Variants in LRPPRC observed in about 807,000 individuals in gnomAD.
LRPPRC encodes leucine-rich PPR motif-containing protein, mitochondrial.
LRPPRC carries 120 observed loss-of-function variants against 180.3 expected under a neutral mutation model. The observed-to-expected ratio is 0.67, with a 90% CI of 0.57 to 0.77. LRPPRC has a LOEUF of 0.77. Ranked by LOEUF, LRPPRC falls within the 30% of genes least tolerant of loss-of-function variation. The pLI, the probability that LRPPRC is intolerant of heterozygous loss-of-function variation, is 0.00. For synonymous variants in LRPPRC, 723 were observed against 600.0 expected, an observed-to-expected ratio of 1.21 and a Z score of -3.00; for missense variants, 2,012 against 1,657.2, an observed-to-expected ratio of 1.21 and a Z score of -3.72.
intron 30 of LRPPRC, among the ~76,000 whole-genome samples, chr2:43,910,986 C>T (rs1425043521): frequency 2.0e-5 from 3 of 151,876 alleles, no homozygotes; most frequent in Non-Finnish European, 2.9e-5. Flanking sequence ...TTTTCTGGCT[C>T]TCCTTCATTA....
At chr2:43,983,928 TA>T (rs1559059572) in intron 1 of LRPPRC, among the ~76,000 whole-genome samples, 1 of 152,122 alleles carries the variant, frequency 6.6e-6, no homozygotes, top group East Asian at 1.9e-4. Context: ...ACCATCTAGG[TA>T]TAAAATAATG....
chr2:43,976,513 T>C (rs1379621839), intron 5 of LRPPRC, among the ~76,000 whole-genome samples: 6 of 152,222 alleles, frequency 3.9e-5, no homozygotes, highest in South Asian at 2.1e-4. Flanking sequence ...TTTAAAAGCA[T>C]AGTTTCATAA....
At chr2:43,941,509 G>T (rs1305143357) in intron 23 of LRPPRC, among the ~76,000 whole-genome samples, 1 of 152,162 alleles carries the variant, frequency 6.6e-6, no homozygotes, top group Non-Finnish European at 1.5e-5. Context: ...TATTACTGAA[G>T]ATTATACACA....
intron 23 of LRPPRC, among the ~76,000 whole-genome samples, chr2:43,939,496 G>A (rs1348116418): frequency 1.3e-5 from 2 of 151,708 alleles, no homozygotes; most frequent in Non-Finnish European, 2.9e-5. Context: ...GTTTAAAAAA[G>A]AAAAAACAAA....
intron 25 of LRPPRC, among the ~76,000 whole-genome samples, chr2:43,928,153 GCTA>G (rs1261970351): frequency 6.6e-6 from 1 of 152,174 alleles, no homozygotes; most frequent in African/African-American, 2.4e-5. Context: ...TTCCACCTGA[GCTA>G]CTGTGCTTCA....
intron 23 of LRPPRC, among the ~76,000 whole-genome samples, chr2:43,939,313 C>T (rs183767678): frequency 6.6e-6 from 1 of 151,380 alleles, no homozygotes; most frequent in African/African-American, 2.4e-5. Context: ...ATAAAAACAA[C>T]AACAACAACA....
rs1413106606 is a variant in LRPPRC, at chr2:43,974,017, C to T, written c.1156-117G>A. ...TTTAAACCCCGCATCCTCTTTCTAC[C>T]CAAAAATCTTGCAACACAAGAACAT... On this transcript the variant is annotated intron_variant, in intron 9 of 37. Coordinates refer to ENST00000260665, the MANE Select transcript of LRPPRC (RefSeq NM_133259.4). The T allele has an allele frequency of 3.4e-6, 4 of 1,162,046 alleles. No individual in the cohort carries two copies. The African/African-American group carries it at 6.1e-5, about 18-fold the overall frequency. 72.0% of individuals were successfully genotyped at this position (1,162,046 alleles called of 1,614,324 possible). A position where few individuals can be genotyped will look rare whatever the true frequency, so the allele number is the denominator to read the frequency against.
Position 43,888,393 on chromosome 2 carries a change from A to C in LRPPRC, c.*207T>G. On this transcript the variant is annotated 3_prime_UTR_variant, in exon 38 of 38. Coordinates refer to ENST00000260665, the MANE Select transcript of LRPPRC (RefSeq NM_133259.4). ...ACACAGCAGCAGCATTGAAGAAAAC[A>C]CTATCGATTTTTCCCAGAGAAAAAA... The C allele has an allele frequency of 2.0e-6, 1 of 500,110 alleles. No individual in the cohort carries two copies. Among genetic ancestry groups the C allele is most frequent in the Non-Finnish European group, 3.6e-6 (1 of 276,000 alleles). The allele number at this position is 500,110 out of a possible 1,614,324, so 31.0% of individuals were successfully genotyped here. A position where few individuals can be genotyped will look rare whatever the true frequency, so the allele number is the denominator to read the frequency against.
At chr2:43,969,150 C>T (rs756564794) in intron 11 of LRPPRC, among the ~76,000 whole-genome samples, 4 of 152,328 alleles carry the variant, frequency 2.6e-5, no homozygotes, top group African/African-American at 4.8e-5. Context: ...CAGAGGCTCA[C>T]GCCTGTAATC....
At position 43,886,827 on chromosome 2, in the gene LRPPRC, G is replaced by A. The variant is rs985832695; in HGVS notation, c.*1773C>T. 1.3e-5 allele frequency: 2 copies of A among 152,158 alleles called. No homozygotes were observed. The highest frequency in any genetic ancestry group is 2.9e-5 in the Non-Finnish European group (2 of 68,042). The allele number at this position is 152,158 out of a possible 1,614,324, so 9.4% of individuals were successfully genotyped here. A position where few individuals can be genotyped will look rare whatever the true frequency, so the allele number is the denominator to read the frequency against. The stretch of plus-strand genomic sequence containing the variant: ...CTGCAAAAAAATGAGGCCTGCTTCA[G>A]TGCAATCACTAAAGACAGGAGTGAG... On this transcript the variant is annotated 3_prime_UTR_variant, in exon 38 of 38. Coordinates refer to ENST00000260665, the MANE Select transcript of LRPPRC (RefSeq NM_133259.4).
chr2:43,967,216 C>T (rs1185777711), intron 11 of LRPPRC, among the ~76,000 whole-genome samples: 2 of 152,056 alleles, frequency 1.3e-5, no homozygotes, highest in African/African-American at 2.4e-5. Context: ...CTAGGCAACA[C>T]AAGGAGACCC....
At chr2:43,973,942 C>T in intron 9 of LRPPRC, 42 bp from the exon 10 acceptor site, 1 of 1,265,288 alleles carries the variant, frequency 7.9e-7, no homozygotes. Context: ...TTGGCAAACA[C>T]CCCACCGTTT....
At chr2:43,904,456 G>C (rs1239048997) in intron 31 of LRPPRC, 1 of 152,170 alleles carries the variant, frequency 6.6e-6, no homozygotes, top group African/African-American at 2.4e-5. Flanking sequence ...ACTTTGGGAG[G>C]CCGAGGTGGG....
chr2:43,946,699 TA>T lies in LRPPRC; in HGVS notation c.2080-457del, dbSNP rs1335450344. On this transcript the variant is annotated intron_variant, in intron 20 of 37. Transcript: ENST00000260665. ...ATTATAATCATAAAGTTAGTCATGA[TA>T]TTTTTTCCCTAAAACTACAAGTTTA... 1.2e-4 allele frequency among the ~76,000 whole-genome samples: 19 copies of T among 152,204 alleles called. 1 individual carries two copies. Among genetic ancestry groups the T allele is most frequent in the South Asian group, 6.2e-4 (3 of 4,826 alleles).
chr2:43,920,101 A>T (rs1256619887), intron 27 of LRPPRC, among the ~76,000 whole-genome samples: 2 of 150,746 alleles, frequency 1.3e-5, no homozygotes, highest in African/African-American at 4.9e-5. Context: ...AAAAAAAAAA[A>T]ACTTAGAGAA....
intron 1 of LRPPRC, among the ~76,000 whole-genome samples, chr2:43,994,830 C>G (rs771561367): frequency 6.6e-6 from 1 of 152,250 alleles, no homozygotes; most frequent in African/African-American, 2.4e-5. Context: ...AAACCTATCT[C>G]TGATAAACCT....
In LRPPRC at chr2:43,991,320, T is replaced by C. The variant is rs148119532; in HGVS notation, c.149+4479A>G. On this transcript the variant is annotated intron_variant, in intron 1 of 37. Transcript: ENST00000260665. The stretch of plus-strand genomic sequence containing the variant: ...GTGCTGGGATTATGGGTGTGAACAA[T>C]AGTACCCAGCCGGACCCATCAGATT... 5.9e-3 allele frequency among the ~76,000 whole-genome samples: 903 copies of C among 152,136 alleles called. 9 individuals carry two copies. The highest frequency in any genetic ancestry group is 0.021 in the African/African-American group (856 of 41,510).
intron 11 of LRPPRC, among the ~76,000 whole-genome samples, chr2:43,964,963 T>C (rs1482598522): frequency 6.6e-6 from 1 of 152,166 alleles, no homozygotes; most frequent in Non-Finnish European, 1.5e-5. Context: ...GGAGGACTGC[T>C]TGAGCCCAGG....
intron 7 of LRPPRC, 110 bp from the exon 8 acceptor site, chr2:43,974,868 G>T: frequency 8.7e-7 from 1 of 1,144,908 alleles, no homozygotes; most frequent in Non-Finnish European, 1.3e-6. Context: ...ACCACCTAAA[G>T]GTTTACGACT....
Sources: gnomAD v4.1 joint callset for allele counts (sites outside exome capture counted in the v4.1 genomes callset) on GRCh38, gnomAD v4.1.1 for gene constraint, MANE v1.5 for transcripts, NCBI Gene and HGNC (gene_info 2026-07-23, HGNC 2026-07-21) for gene names.